PTGR2: variants seen among roughly 807,000 people sequenced by gnomAD.
PTGR2 encodes the protein prostaglandin reductase 2.
Under a neutral mutation model 43.4 loss-of-function variants are expected in PTGR2, and 32 were observed. The ratio of observed to expected loss-of-function variants is 0.74; its 90% CI spans 0.56 to 0.99. The LOEUF (loss-of-function observed/expected upper bound fraction) is 0.99. Among genes scored for constraint, PTGR2 ranks in the 50% least tolerant of loss-of-function variants. The probability of loss-of-function intolerance (pLI) is 0.00; values close to 1 mark genes in which losing one functional copy is unlikely to be tolerated. For missense variants in PTGR2, 373 were observed against 420.0 expected (o/e 0.89, Z 0.98); for synonymous variants, 106 against 139.2 (o/e 0.76, Z 1.68).
chr14:73,868,094 C>G (rs771503052), intron 3 of PTGR2, among the ~76,000 whole-genome samples: 8 of 152,130 alleles, frequency 5.3e-5, no homozygotes, highest in Non-Finnish European at 1.0e-4. Context: ...TGACACCAGC[C>G]TGGCCAACAT....
At chr14:73,852,599 C>A (rs2054255477) in intron 1 of PTGR2, among the ~76,000 whole-genome samples, 1 of 152,114 alleles carries the variant, frequency 6.6e-6, no homozygotes. Flanking sequence ...CCTCTTAGCG[C>A]TGACGAGCTG....
At chr14:73,867,716 G>A (rs1036128369) in intron 3 of PTGR2, among the ~76,000 whole-genome samples, 23 of 152,170 alleles carry the variant, frequency 1.5e-4, no homozygotes, top group African/African-American at 4.6e-4. Flanking sequence ...ACCAGGTCCT[G>A]TGGATCCCAC....
intron 1 of PTGR2, among the ~76,000 whole-genome samples, chr14:73,857,630 A>T (rs72723742): frequency 0.025 from 2,664 of 106,874 alleles, 68 homozygotes; most frequent in Middle Eastern, 0.074. Context: ...CAAAAAAAAA[A>T]TTTTTTTGAT....
chr14:73,881,320 AT>A (rs1402432344), intron 8 of PTGR2, 28 bp downstream of exon 8: 1 of 1,289,712 alleles, frequency 7.8e-7, no homozygotes, highest in South Asian at 1.2e-5. Context: ...TATCAATATA[AT>A]TCTTCCTGCT....
At chr14:73,878,771 A>G (rs536599965) in intron 5 of PTGR2, 5 of 348,326 alleles carry the variant, frequency 1.4e-5, no homozygotes, top group African/African-American at 1.1e-4. Flanking sequence ...GGCTAGGCTA[A>G]GCTATGATGT....
chr14:73,865,769 T>C (rs537583069), intron 3 of PTGR2, among the ~76,000 whole-genome samples: 1 of 152,156 alleles, frequency 6.6e-6, no homozygotes, highest in East Asian at 1.9e-4. Context: ...CAGAAATATT[T>C]GACCACGAAG....
chr14:73,855,676 C>T (rs2140228879), intron 1 of PTGR2, among the ~76,000 whole-genome samples: 1 of 151,394 alleles, frequency 6.6e-6, no homozygotes, highest in East Asian at 2.0e-4. Flanking sequence ...GAACTCCTGA[C>T]CTTAAATGAT....
At chr14:73,858,685 C>A (rs758782349) in intron 1 of PTGR2, 131 bp from the exon 2 acceptor site, 23 of 426,264 alleles carry the variant, frequency 5.4e-5, no homozygotes, top group Non-Finnish European at 8.4e-5. Flanking sequence ...CTCTGACAGG[C>A]GAGTTTATCT....
intron 1 of PTGR2, among the ~76,000 whole-genome samples, chr14:73,852,823 T>C (rs1312742181): frequency 6.6e-6 from 1 of 151,342 alleles, no homozygotes; most frequent in Non-Finnish European, 1.5e-5. Context: ...GAAAGACACG[T>C]GGTTTGTTTG....
chr14:73,858,538 G>A (rs2054415202), intron 1 of PTGR2: 1 of 246,498 alleles, frequency 4.1e-6, no homozygotes, highest in Non-Finnish European at 8.2e-6. Flanking sequence ...GGGCAACAGA[G>A]CGAGACTCCG....
At position 73,857,631 on chromosome 14, in the gene PTGR2, T is replaced by A. The variant is rs564734952; in HGVS notation, c.-47-1185T>A. On this transcript the variant is annotated intron_variant, in intron 1 of 9. Coordinates refer to ENST00000555661, the MANE Select transcript of PTGR2 (RefSeq NM_001146154.2). ...TCTGTCCCCCACTCCAAAAAAAAAATTTTTTTGATTACATGTCAATTAAGC... is the reference window on the plus strand; with the variant it reads ...TCTGTCCCCCACTCCAAAAAAAAAAATTTTTTGATTACATGTCAATTAAGC... Among the ~76,000 whole-genome samples, 411 of 148,736 alleles carry A rather than the reference T, an allele frequency of 2.8e-3. 2 individuals carry two copies. Among genetic ancestry groups the A allele is most frequent in the Middle Eastern group, 0.01 (3 of 290 alleles).
intron 5 of PTGR2, chr14:73,878,797 T>A (rs556550435): frequency 8.2e-6 from 3 of 367,878 alleles, no homozygotes; most frequent in African/African-American, 4.2e-5. Flanking sequence ...AGGTTAGGTA[T>A]ATTAAATGCA....
At chr14:73,859,045 C>T (rs774752193) in intron 2 of PTGR2, 146 bp downstream of exon 2, 10 of 545,276 alleles carry the variant, frequency 1.8e-5, no homozygotes, top group Admixed American at 6.6e-5. Flanking sequence ...ACTCTTTAAA[C>T]GATGTAATAA....
chr14:73,880,600 A>AC lies in PTGR2; in HGVS notation c.851+425dup, dbSNP rs777880063. ...ATCTCAAAAAAACAAAAAAAAAAAA[A>AC]CAAAAAAAAACCTTTAAAATACACA... On this transcript the variant is annotated intron_variant, in intron 7 of 9. Coordinates refer to ENST00000555661, the MANE Select transcript of PTGR2 (RefSeq NM_001146154.2). Among the ~76,000 whole-genome samples the AC allele has an allele frequency of 1.6e-3, 139 of 88,554 alleles. 1 individual carries two copies. The highest frequency in any genetic ancestry group is 4.0e-3 in the African/African-American group (122 of 30,582). The allele number at this position is 88,554 out of a possible 152,430, so 58.1% of individuals were successfully genotyped here. A position where few individuals can be genotyped will look rare whatever the true frequency, so the allele number is the denominator to read the frequency against.
Position 73,882,570 on chromosome 14 carries a change from A to C in PTGR2, c.979+132A>C, listed in dbSNP as rs958775914. The C allele has an allele frequency of 2.1e-5, 12 of 579,648 alleles. No homozygotes were observed. The Admixed American group carries it at 3.6e-4, about 17-fold the overall frequency. The allele number at this position is 579,648 out of a possible 1,614,324, so 35.9% of individuals were successfully genotyped here. ...GGCTGGAGTGTAGTGGCATGATCTC[A>C]GCTCACTGCAAGCTCCGCCTTCCAG... is the stretch of plus-strand genomic sequence containing the variant. On this transcript the variant is annotated intron_variant, in intron 9 of 9. Coordinates refer to ENST00000555661, the MANE Select transcript of PTGR2 (RefSeq NM_001146154.2).
At chr14:73,868,262 C>G (rs1009755955) in intron 3 of PTGR2, among the ~76,000 whole-genome samples, 3 of 151,938 alleles carry the variant, frequency 2.0e-5, no homozygotes, top group Admixed American at 2.0e-4. Context: ...GCACTCCAGC[C>G]TGGGCAACAG....
At chr14:73,870,624 G>C (rs2054706244) in intron 3 of PTGR2, among the ~76,000 whole-genome samples, 1 of 151,808 alleles carries the variant, frequency 6.6e-6, no homozygotes, top group Non-Finnish European at 1.5e-5. Flanking sequence ...TATACAACTT[G>C]GCTTTCATAT....
intron 4 of PTGR2, chr14:73,874,682 A>T (rs899504094): frequency 2.3e-6 from 1 of 432,982 alleles, no homozygotes; most frequent in Non-Finnish European, 4.6e-6. Flanking sequence ...TACAGGTGTG[A>T]GCTTGAAGTT....
rs1461494020 is a variant in PTGR2, at chr14:73,877,143, G to A, written c.494G>A (p.Gly165Asp). 1 of 1,613,500 alleles carries A rather than the reference G, an allele frequency of 6.2e-7. No individual in the cohort carries two copies. The highest frequency in any genetic ancestry group is 1.3e-5 in the African/African-American group (1 of 74,880). ...NKTMVVSGAAGACGSVAGQIG... is the reference protein window; with the variant it reads ...NKTMVVSGAADACGSVAGQIG... Reference sequence around the variant, plus strand: ...ACAATGGTTGTCAGTGGGGCCGCAGGTGCCTGTGGATCTGTGGCTGGGCAG... The same window carrying A: ...ACAATGGTTGTCAGTGGGGCCGCAGATGCCTGTGGATCTGTGGCTGGGCAG... Residue 165 changes from glycine (G) to aspartate (D), a missense_variant, in exon 5 of 10, where the codon GGT becomes GAT. Transcript: ENST00000555661.
Sources: allele counts gnomAD v4.1 joint callset (sites outside exome capture counted in the v4.1 genomes callset), GRCh38; gene constraint gnomAD v4.1.1; transcripts MANE v1.5; gene names NCBI Gene and HGNC (gene_info 2026-07-23, HGNC 2026-07-21).